Variants in GALNT18 observed in about 807,000 individuals in gnomAD.
The protein encoded by GALNT18 is GalNAc-transferase 18.
Under a neutral mutation model 69.5 loss-of-function variants are expected in GALNT18, and 44 were observed. The ratio of observed to expected loss-of-function variants is 0.63; its 90% CI spans 0.50 to 0.81. The LOEUF (loss-of-function observed/expected upper bound fraction) is 0.81, where lower values mean the gene tolerates loss of function less well. GALNT18 is among the 40% of genes least tolerant of loss of function. The pLI is 0.00. For missense variants in GALNT18, 715 were observed against 810.0 expected (o/e 0.88, Z 1.42); for synonymous variants, 364 against 318.2 (o/e 1.14, Z -1.53).
rs914649724 is a variant in GALNT18, at chr11:11,436,011, C to T, written c.429-3224G>A. On this transcript the variant is annotated intron_variant, in intron 2 of 10. Coordinates refer to ENST00000227756, the MANE Select transcript of GALNT18 (RefSeq NM_198516.3). The surrounding 1 kb of genome is among the most constrained non-coding windows in gnomAD (Gnocchi z 4.5). ...CATGCTGCCGCTGTGGCCTCTCTCT[C>T]GGCATCAGGAGACACCTTTCCTCAG... Among the ~76,000 whole-genome samples the T allele has an allele frequency of 1.2e-4, 19 of 152,236 alleles. No individual in the cohort carries two copies. The highest frequency in any genetic ancestry group is 3.4e-4 in the African/African-American group (14 of 41,462).
chr11:11,535,144 G>T (rs1013722546), intron 1 of GALNT18, among the ~76,000 whole-genome samples: 1 of 152,232 alleles, frequency 6.6e-6, no homozygotes, highest in Admixed American at 6.5e-5. Flanking sequence ...TCAGCCCACA[G>T]TGCAGTGCTT....
chr11:11,328,194 C>T (rs553038818), intron 8 of GALNT18, among the ~76,000 whole-genome samples: 5 of 152,312 alleles, frequency 3.3e-5, no homozygotes, highest in Admixed American at 6.5e-5. Context: ...GCCCCTGCAG[C>T]GGCTTCAGTG....
chr11:11,371,592 T>C (rs1444586563), intron 6 of GALNT18, among the ~76,000 whole-genome samples: 1 of 151,756 alleles, frequency 6.6e-6, no homozygotes, highest in Non-Finnish European at 1.5e-5. Context: ...AGTGTGGGGG[T>C]GGCTGGCTGC....
intron 1 of GALNT18, among the ~76,000 whole-genome samples, chr11:11,477,820 C>T (rs996704190): frequency 8.5e-5 from 13 of 152,184 alleles, no homozygotes; most frequent in Admixed American, 6.5e-5. Flanking sequence ...GATACAGATG[C>T]TTCTGTAATT....
chr11:11,344,314 G>T (rs1040724235), intron 6 of GALNT18, among the ~76,000 whole-genome samples: 15 of 152,174 alleles, frequency 9.9e-5, no homozygotes, highest in African/African-American at 3.4e-4. Context: ...AACCCTGCCT[G>T]CCTCCCTGAC....
intron 9 of GALNT18, among the ~76,000 whole-genome samples, chr11:11,306,130 T>A (rs1849574103): frequency 6.6e-6 from 1 of 152,186 alleles, no homozygotes. Flanking sequence ...GCTCAATACC[T>A]TTTTAGCATA....
intron 10 of GALNT18, among the ~76,000 whole-genome samples, chr11:11,273,500 C>T (rs1235747534): frequency 6.6e-6 from 1 of 152,164 alleles, no homozygotes; most frequent in Admixed American, 6.5e-5. Context: ...AATGAATCAT[C>T]TCACCCCAGT....
chr11:11,326,126 G>A (rs1339935887), intron 9 of GALNT18, among the ~76,000 whole-genome samples: 1 of 146,050 alleles, frequency 6.8e-6, no homozygotes, highest in East Asian at 2.0e-4. Context: ...CTCACTGCAA[G>A]CTCTGCCTCC....
chr11:11,608,278 A>G (rs1271090026), intron 1 of GALNT18, among the ~76,000 whole-genome samples: 1 of 152,202 alleles, frequency 6.6e-6, no homozygotes, highest in African/African-American at 2.4e-5. Context: ...AGAGGGAATG[A>G]AGGAAGACTG....
intron 1 of GALNT18, among the ~76,000 whole-genome samples, 162 bp from the exon 2 acceptor site, chr11:11,449,098 T>C (rs1219946664): frequency 6.6e-6 from 1 of 152,224 alleles, no homozygotes; most frequent in Non-Finnish European, 1.5e-5. Flanking sequence ...AAAGACCCAT[T>C]CATCCATGAA....
intron 3 of GALNT18, among the ~76,000 whole-genome samples, chr11:11,400,145 A>G (rs1017953504): frequency 1.3e-5 from 2 of 152,112 alleles, no homozygotes; most frequent in East Asian, 3.9e-4. Flanking sequence ...GAGGAAGCCA[A>G]CTGCCATGTC....
intron 1 of GALNT18, among the ~76,000 whole-genome samples, chr11:11,574,311 G>A (rs1858867331): frequency 6.6e-6 from 1 of 152,166 alleles, no homozygotes; most frequent in Non-Finnish European, 1.5e-5. Context: ...TCCCAGCCCT[G>A]CTCAGACCAG....
rs928517184 is a variant in GALNT18 at position 11,341,552 on chromosome 11, C to T, written c.1093-548G>A. 1.2e-4 allele frequency among the ~76,000 whole-genome samples: 18 copies of T among 152,172 alleles called. No individual in the cohort carries two copies. Among genetic ancestry groups the T allele is most frequent in the African/African-American group, 4.1e-4 (17 of 41,442 alleles). On this transcript the variant is annotated intron_variant, in intron 6 of 10. Transcript: ENST00000227756. The surrounding 1 kb of genome is among the most constrained non-coding windows in gnomAD (Gnocchi z 6.3). Reference sequence around the variant, plus strand: ...TTCTGACTGAATCTGAGGGAGAGCGCTGCAAAGAAGGAAATGATATTAAAC... The same window carrying T: ...TTCTGACTGAATCTGAGGGAGAGCGTTGCAAAGAAGGAAATGATATTAAAC...
intron 6 of GALNT18, among the ~76,000 whole-genome samples, chr11:11,360,600 C>T (rs1454968672): frequency 6.6e-5 from 10 of 151,990 alleles, no homozygotes; most frequent in Non-Finnish European, 8.8e-5. Flanking sequence ...TAGGGTTCTT[C>T]TATCAGTATG....
At position 11,315,839 on chromosome 11, in the gene GALNT18, C is replaced by G. The variant is rs912911174; in HGVS notation, c.1512+11247G>C. ...TGTCCACACTCTTTCTACCACATTGCACATCCACCACTACCCTGCACCCCC... is the reference window on the plus strand; with the variant it reads ...TGTCCACACTCTTTCTACCACATTGGACATCCACCACTACCCTGCACCCCC... On this transcript the variant is annotated intron_variant, in intron 9 of 10. Coordinates refer to ENST00000227756, the MANE Select transcript of GALNT18 (RefSeq NM_198516.3). This position sits in a 1 kb window ranked among gnomAD's most constrained non-coding sequence, Gnocchi z 5.6. Among the ~76,000 whole-genome samples, 41 of 152,128 alleles carry G rather than the reference C, an allele frequency of 2.7e-4. No individual in the cohort carries two copies. Among genetic ancestry groups the G allele is most frequent in the South Asian group, 2.1e-4 (1 of 4,814 alleles).
chr11:11,311,786 CTCTTA>C (rs1849677677), intron 9 of GALNT18, among the ~76,000 whole-genome samples: 1 of 152,326 alleles, frequency 6.6e-6, no homozygotes, highest in South Asian at 2.1e-4. Context: ...ATTCTGCCAG[CTCTTA>C]TCTTGACTAA....
rs1002946895 is a variant in GALNT18 at position 11,415,388 on chromosome 11, T to G, written c.595+17233A>C. 3.3e-4 allele frequency among the ~76,000 whole-genome samples: 51 copies of G among 152,284 alleles called. 2 individuals are homozygous for G. The highest frequency in any genetic ancestry group is 1.2e-3 in the African/African-American group (48 of 41,576). ...TGCCCACACAGTGATCAATAAATAG[T>G]TGCCGAATGAGAAAATAACGTGTCC... On this transcript the variant is annotated intron_variant, in intron 3 of 10. Coordinates refer to ENST00000227756, the MANE Select transcript of GALNT18 (RefSeq NM_198516.3). This position sits in a 1 kb window ranked among gnomAD's most constrained non-coding sequence, Gnocchi z 4.1.
rs773089871 is a variant in GALNT18, at chr11:11,293,207, G to A, written c.1513-14C>T. 4 of 1,318,084 alleles carry A rather than the reference G, an allele frequency of 3.0e-6. No homozygotes were observed. The highest frequency in any genetic ancestry group is 5.6e-5 in the East Asian group (2 of 35,696). The allele number at this position is 1,318,084 out of a possible 1,614,324, so 81.6% of individuals were successfully genotyped here. A position where few individuals can be genotyped will look rare whatever the true frequency, so the allele number is the denominator to read the frequency against. ...GTAGTACACGTTCTGGGGGCGGAGGGAGGGAGAGAGTGTGGATAAATGCCA... is the reference window on the plus strand; with the variant it reads ...GTAGTACACGTTCTGGGGGCGGAGGAAGGGAGAGAGTGTGGATAAATGCCA... On this transcript the variant is annotated splice_polypyrimidine_tract_variant and intron_variant, in intron 9 of 10. Coordinates refer to ENST00000227756, the MANE Select transcript of GALNT18 (RefSeq NM_198516.3).
chr11:11,351,486 AAGG>A (rs1456085440), intron 6 of GALNT18, among the ~76,000 whole-genome samples: 1 of 152,176 alleles, frequency 6.6e-6, no homozygotes, highest in African/African-American at 2.4e-5. Context: ...CAAAATCTAG[AAGG>A]ATCTGACCCT....
Sources: gnomAD v4.1 joint callset for allele counts (sites outside exome capture counted in the v4.1 genomes callset) on GRCh38, gnomAD v4.1.1 for gene constraint, Gnocchi (gnomAD v3.1) non-coding constraint, MANE v1.5 for transcripts, NCBI Gene and HGNC (gene_info 2026-07-23, HGNC 2026-07-21) for gene names.